Variants in ALG6 observed in about 807,000 individuals in gnomAD.
The protein encoded by ALG6 is ALG6 alpha-1,3-glucosyltransferase, also known as dolichyl pyrophosphate Man9GlcNAc2 alpha-1,3-glucosyltransferase.
Under a neutral mutation model 66.6 loss-of-function variants are expected in ALG6, and 46 were observed. The observed-to-expected ratio is 0.69, with a 90% confidence interval of 0.55 to 0.88. ALG6 has a LOEUF of 0.88. ALG6 is among the 40% of genes least tolerant of loss of function. The probability of loss-of-function intolerance (pLI) is 0.00; values close to 1 mark genes in which losing one functional copy is unlikely to be tolerated. For missense variants in ALG6, 505 were observed against 586.8 expected (o/e 0.86, Z 1.44); for synonymous variants, 185 against 203.7 (o/e 0.91, Z 0.78).
Position 63,438,075 on chromosome 1 carries a change from G to A in ALG6, c.*1055G>A, listed in dbSNP as rs1478508120. 1 of 151,940 alleles carries A rather than the reference G, an allele frequency of 6.6e-6. No individual in the cohort carries two copies. Among genetic ancestry groups the A allele is most frequent in the African/African-American group, 2.4e-5 (1 of 41,360 alleles). 9.4% of individuals were successfully genotyped at this position (151,940 alleles called of 1,614,324 possible). ...AATATATTTCTTCTTTCATAAGATA[G>A]CCATTAAACTATATTAAGTGGTGGT... On this transcript the variant is annotated 3_prime_UTR_variant, in exon 15 of 15. Transcript: ENST00000263440.
Position 63,437,309 on chromosome 1 carries a change from T to C in ALG6, c.*289T>C, listed in dbSNP as rs1301003516. ...GAAACATGTCCTTAATCCCATTGTT[T>C]ACTCAGGAAATGCACTTTTTAAATG... On this transcript the variant is annotated 3_prime_UTR_variant, in exon 15 of 15. Coordinates refer to ENST00000263440, the MANE Select transcript of ALG6 (RefSeq NM_013339.4). 1 of 337,340 alleles carries C rather than the reference T, an allele frequency of 3.0e-6. No individual in the cohort carries two copies. Among genetic ancestry groups the C allele is most frequent in the Non-Finnish European group, 5.6e-6 (1 of 179,702 alleles). 20.9% of individuals were successfully genotyped at this position (337,340 alleles called of 1,614,324 possible).
intron 2 of ALG6, among the ~76,000 whole-genome samples, chr1:63,393,641 T>G (rs542933004): frequency 1.2e-4 from 19 of 152,316 alleles, no homozygotes; most frequent in Non-Finnish European, 2.6e-4. Context: ...GAACAGAAAC[T>G]TTGAATTTCA....
intron 7 of ALG6, among the ~76,000 whole-genome samples, chr1:63,409,305 G>T (rs1644505288): frequency 6.6e-6 from 1 of 152,086 alleles, no homozygotes; most frequent in East Asian, 1.9e-4. Context: ...GATTTGTTTA[G>T]ACATAGGTGT....
At chr1:63,403,680 C>T (rs1460322027) in intron 4 of ALG6, among the ~76,000 whole-genome samples, 1 of 65,804 alleles carries the variant, frequency 1.5e-5, no homozygotes, top group African/African-American at 9.1e-5. Context: ...AATGGTATAG[C>T]CTACTATATC....
intron 2 of ALG6, among the ~76,000 whole-genome samples, chr1:63,379,201 G>A (rs757954311): frequency 1.1e-4 from 16 of 152,056 alleles, no homozygotes; most frequent in Non-Finnish European, 1.9e-4. Flanking sequence ...GGAATTCTTT[G>A]AGGCTTGAGT....
chr1:63,404,517 C>G lies in ALG6; in HGVS notation c.322C>G (p.His108Asp), dbSNP rs2100415489. The G allele has an allele frequency of 6.2e-7, 1 of 1,613,672 alleles. No homozygotes were observed. Among genetic ancestry groups the G allele is most frequent in the Non-Finnish European group, 8.5e-7 (1 of 1,179,708 alleles). Residue 108 changes from histidine (H) to aspartate (D), a missense_variant, in exon 5 of 15, where the codon CAT (histidine) becomes GAT (aspartate). Physicochemically the swap from His to Asp is moderately conservative, Grantham distance 81. Transcript: ENST00000263440. ...ATCACGTGGATATGAGAGTCAGGCA[C>G]ATAAGCTCTTCATGCGTACAACAGG... ...HTSRGYESQA[H>D]KLFMRTTVLI... is the part of the protein sequence containing the mutation.
intron 14 of ALG6, chr1:63,429,739 A>G (rs1241700228): frequency 6.6e-6 from 1 of 152,306 alleles, no homozygotes; most frequent in Non-Finnish European, 1.5e-5. Flanking sequence ...AAAAGGCTAT[A>G]TCTCCAAATA....
intron 2 of ALG6, chr1:63,371,316 G>A (rs1476490508): frequency 1.1e-5 from 5 of 453,808 alleles, no homozygotes; most frequent in Non-Finnish European, 1.6e-5. Flanking sequence ...AAATGATTCT[G>A]TATTAAACAT....
intron 1 of ALG6, among the ~76,000 whole-genome samples, chr1:63,368,464 G>T (rs1570023259): frequency 6.6e-6 from 1 of 152,020 alleles, no homozygotes; most frequent in East Asian, 1.9e-4. Context: ...CTCACAGGGA[G>T]CCTTTAGTCA....
chr1:63,408,061 A>G (rs889909773), intron 7 of ALG6, among the ~76,000 whole-genome samples: 1 of 152,156 alleles, frequency 6.6e-6, no homozygotes, highest in Non-Finnish European at 1.5e-5. Context: ...GCAGAAAACT[A>G]TGCAAAATAT....
rs190346734 is a variant in ALG6 at position 63,373,531 on chromosome 1, G to A, written c.82+2472G>A. 6.2e-4 allele frequency among the ~76,000 whole-genome samples: 94 copies of A among 151,412 alleles called. 2 individuals carry two copies. In the East Asian group the frequency reaches 0.017, roughly 28 times the overall value. ...AATTGCTTAAGCCCAGGAGATGGAG[G>A]TTGCAGTGAGCCAAGATCATCCCAT... is the stretch of plus-strand genomic sequence containing the variant. On this transcript the variant is annotated intron_variant, in intron 2 of 14. Coordinates refer to ENST00000263440, the MANE Select transcript of ALG6 (RefSeq NM_013339.4).
At chr1:63,436,753 C>T in intron 14 of ALG6, 70 bp from the exon 15 acceptor site, 1 of 1,441,458 alleles carries the variant, frequency 6.9e-7, no homozygotes, top group Non-Finnish European at 9.7e-7. Flanking sequence ...TTAATAGCTA[C>T]AAGTCAATGT....
At chr1:63,403,947 A>G (rs1401889938) in intron 4 of ALG6, among the ~76,000 whole-genome samples, 1 of 152,200 alleles carries the variant, frequency 6.6e-6, no homozygotes, top group African/African-American at 2.4e-5. Flanking sequence ...TGGATTGAAA[A>G]TAAACTCCCA....
At chr1:63,395,026 C>G (rs1000307160) in intron 2 of ALG6, among the ~76,000 whole-genome samples, 1 of 150,986 alleles carries the variant, frequency 6.6e-6, no homozygotes, top group Non-Finnish European at 1.5e-5. Flanking sequence ...CCACCATGCC[C>G]GGCTAATTTT....
rs1170652277 is a variant in ALG6, at chr1:63,411,932, G to A, written c.687G>A (p.Val229=). The A allele has an allele frequency of 1.2e-6, 2 of 1,613,940 alleles. No individual in the cohort carries two copies. Among genetic ancestry groups the A allele is most frequent in the Non-Finnish European group, 1.7e-6 (2 of 1,179,972 alleles). ...ACCTTTGTTTTTGTTTTAGGTTTGT[G>A]TTGCTAGTTAAGCTAGCTTGTATTG... ...FKKGLKGKGF[V]LLVKLACIVV... Residue 229 remains valine, a synonymous_variant, in exon 9 of 15, where the codon GTG becomes GTA. Transcript: ENST00000263440.
intron 2 of ALG6, among the ~76,000 whole-genome samples, chr1:63,379,863 C>A (rs986707583): frequency 1.3e-5 from 2 of 151,302 alleles, no homozygotes; most frequent in Admixed American, 6.6e-5. Flanking sequence ...GACCCTTTGT[C>A]TGGCATATTG....
intron 10 of ALG6, among the ~76,000 whole-genome samples, chr1:63,414,938 T>C (rs1202172929): frequency 2.0e-5 from 3 of 152,202 alleles, no homozygotes; most frequent in Non-Finnish European, 4.4e-5. Context: ...AGCCGTCTTT[T>C]AAAGGGCTTT....
intron 3 of ALG6, among the ~76,000 whole-genome samples, chr1:63,397,911 C>T (rs71643673): frequency 0.18 from 27,257 of 152,060 alleles, 2,631 homozygotes; most frequent in Middle Eastern, 0.25. Context: ...TAAAATGATA[C>T]ATGTAAAGCA....
chr1:63,373,657 C>CTTTTTTTT lies in ALG6; in HGVS notation c.82+2598_82+2599insTTTTTTTT, dbSNP rs1557578257. Among the ~76,000 whole-genome samples the CTTTTTTTT allele has an allele frequency of 3.5e-5, 4 of 114,760 alleles. 1 individual carries two copies. Among genetic ancestry groups the CTTTTTTTT allele is most frequent in the Non-Finnish European group, 1.8e-5 (1 of 55,376 alleles). The allele number at this position is 114,760 out of a possible 152,430, so 75.3% of individuals were successfully genotyped here. On this transcript the variant is annotated intron_variant, in intron 2 of 14. Coordinates refer to ENST00000263440, the MANE Select transcript of ALG6 (RefSeq NM_013339.4). Reference sequence around the variant, plus strand: ...TTATTTTTCAATTTAATTTAATTTACATTTTTTTTTTTTTTTTTTTTGAGA... The same window carrying CTTTTTTTT: ...TTATTTTTCAATTTAATTTAATTTACTTTTTTTTATTTTTTTTTTTTTTTTTTTTGAGA...
Sources: gnomAD v4.1 joint callset for allele counts (sites outside exome capture counted in the v4.1 genomes callset) on GRCh38, gnomAD v4.1.1 for gene constraint, MANE v1.5 for transcripts, NCBI Gene and HGNC (gene_info 2026-07-23, HGNC 2026-07-21) for gene names.